The following CRYL1 variants were observed in gnomAD, a reference collection of about 807,000 sequenced individuals.
CRYL1 encodes the protein lambda-crystallin homolog.
Under a neutral mutation model 36.6 loss-of-function variants are expected in CRYL1, and 29 were observed. The observed-to-expected ratio is 0.79, with a 90% CI of 0.59 to 1.08. CRYL1 has a LOEUF of 1.08. Among genes scored for constraint, CRYL1 ranks in the 50% least tolerant of loss-of-function variants. The pLI, the probability that CRYL1 is intolerant of heterozygous loss-of-function variation, is 0.00. For missense variants in CRYL1, 411 were observed against 407.9 expected, an observed-to-expected ratio of 1.01 and a Z score of -0.06; for synonymous variants, 152 against 151.5, an observed-to-expected ratio of 1.00 and a Z score of -0.02.
intron 1 of CRYL1, among the ~76,000 whole-genome samples, chr13:20,521,035 G>A (rs1314004581): frequency 1.4e-5 from 2 of 147,180 alleles, no homozygotes; most frequent in Admixed American, 6.8e-5. Flanking sequence ...ACCCGGAGGC[G>A]GAGGTTGCAG....
At chr13:20,486,162 C>T (rs1020792191) in intron 3 of CRYL1, among the ~76,000 whole-genome samples, 8 of 152,132 alleles carry the variant, frequency 5.3e-5, no homozygotes, top group South Asian at 2.1e-4. Context: ...TCGAGCAATC[C>T]GCCACCCTCA....
At position 20,480,719 on chromosome 13, in the gene CRYL1, C is replaced by T. The variant is rs534547857; in HGVS notation, c.276+8651G>A. Among the ~76,000 whole-genome samples the T allele has an allele frequency of 2.6e-5, 4 of 152,336 alleles. No homozygotes were observed. In the South Asian group the frequency reaches 8.3e-4, roughly 32 times the overall value. On this transcript the variant is annotated intron_variant, in intron 3 of 7. Coordinates refer to ENST00000298248, the MANE Select transcript of CRYL1 (RefSeq NM_015974.3). ...CAAATCATGCCAATAACCTGCCGTT[C>T]GTGGATGCTGCGGGGACCCACAATG...
At chr13:20,461,892 G>A (rs1249999114) in intron 3 of CRYL1, among the ~76,000 whole-genome samples, 2 of 142,804 alleles carry the variant, frequency 1.4e-5, no homozygotes, top group Non-Finnish European at 3.0e-5. Context: ...GCCTCCAGGG[G>A]CTCAGCATTG....
chr13:20,453,195 T>C (rs2137420238), intron 3 of CRYL1, among the ~76,000 whole-genome samples: 1 of 152,244 alleles, frequency 6.6e-6, no homozygotes, highest in East Asian at 1.9e-4. Flanking sequence ...CCAAGATAGA[T>C]TATAGTCTGG....
chr13:20,492,859 C>T (rs2033536579), intron 2 of CRYL1, among the ~76,000 whole-genome samples: 1 of 152,134 alleles, frequency 6.6e-6, no homozygotes, highest in African/African-American at 2.4e-5. Context: ...ACCAAGGAAC[C>T]AATCTGAATT....
intron 5 of CRYL1, 119 bp from the exon 6 acceptor site, chr13:20,413,506 G>A: frequency 1.6e-6 from 1 of 614,928 alleles, no homozygotes; most frequent in Non-Finnish European, 2.9e-6. Context: ...GCACTATACA[G>A]GGTGAGTACC....
chr13:20,522,911 C>CT (rs386378385), intron 1 of CRYL1, among the ~76,000 whole-genome samples: 985 of 82,824 alleles, frequency 0.012, 106 homozygotes, highest in South Asian at 0.02. Context: ...CCCATTTCTA[C>CT]TTTTTTTTTT....
At chr13:20,512,571 G>A in intron 1 of CRYL1, 21 bp from the exon 2 acceptor site, 1 of 1,569,098 alleles carries the variant, frequency 6.4e-7, no homozygotes, top group Non-Finnish European at 8.7e-7. Context: ...ATAAAAGAAA[G>A]GATTCGAGTT....
Position 20,471,850 on chromosome 13 carries a change from CCTTT to C in CRYL1, c.276+17516_276+17519del, listed in dbSNP as rs1334373951. On this transcript the variant is annotated intron_variant, in intron 3 of 7. Transcript: ENST00000298248. ...CTCTCTCTTTTTCTCTCTCTCTCTT[CCTTT>C]CTTTCATTTTTTTTTTGAGACGTAG... Among the ~76,000 whole-genome samples the C allele has an allele frequency of 7.3e-5, 11 of 150,408 alleles. No homozygotes were observed. The East Asian group carries it at 1.4e-3, about 19-fold the overall frequency.
rs386378385 is a variant in CRYL1, at chr13:20,522,911, C to CTTTTTTTT, written c.41+2835_41+2842dup. Among the ~76,000 whole-genome samples, 130 of 82,954 alleles carry CTTTTTTTT rather than the reference C, an allele frequency of 1.6e-3. 6 individuals are homozygous for CTTTTTTTT. Among genetic ancestry groups the CTTTTTTTT allele is most frequent in the Non-Finnish European group, 2.0e-3 (93 of 46,646 alleles). The allele number at this position is 82,954 out of a possible 152,430, so 54.4% of individuals were successfully genotyped here. On this transcript the variant is annotated intron_variant, in intron 1 of 7. Transcript: ENST00000298248. ...TTTATCTTCATGATACCCATTTCTA[C>CTTTTTTTT]TTTTTTTTTTTTTTTTTTTTTTTTG...
intron 1 of CRYL1, among the ~76,000 whole-genome samples, chr13:20,518,472 T>G (rs1593505103): frequency 2.0e-5 from 3 of 149,608 alleles, no homozygotes; most frequent in East Asian, 2.0e-4. Context: ...GGAGGGGCGG[T>G]GGGGGGAGAG....
At chr13:20,419,275 G>A (rs926747898) in intron 5 of CRYL1, among the ~76,000 whole-genome samples, 4 of 152,128 alleles carry the variant, frequency 2.6e-5, no homozygotes, top group African/African-American at 9.7e-5. Context: ...GAGTAACAGA[G>A]TTAGAGATTA....
At chr13:20,505,272 G>A (rs1408122883) in intron 2 of CRYL1, among the ~76,000 whole-genome samples, 6 of 150,458 alleles carry the variant, frequency 4.0e-5, no homozygotes, top group Non-Finnish European at 1.5e-5. Flanking sequence ...GAGGAGAATT[G>A]CTTGAACCCG....
intron 2 of CRYL1, among the ~76,000 whole-genome samples, chr13:20,510,474 TG>T (rs2033892956): frequency 6.6e-6 from 1 of 152,180 alleles, no homozygotes; most frequent in African/African-American, 2.4e-5. Context: ...GATCAGTGGT[TG>T]CCAGCGGTTG....
Position 20,437,377 on chromosome 13 carries a change from G to A in CRYL1, c.438+2216C>T, listed in dbSNP as rs562138993. Among the ~76,000 whole-genome samples, 9 of 150,092 alleles carry A rather than the reference G, an allele frequency of 6.0e-5. No homozygotes were observed. In the East Asian group the frequency reaches 1.4e-3, roughly 23 times the overall value. On this transcript the variant is annotated intron_variant, in intron 4 of 7. Transcript: ENST00000298248. ...GGCTGGAGTGCAGTGGCGCGATCTC[G>A]GCTCACTGCAAGCTCCACCTCCTGG...
intron 3 of CRYL1, among the ~76,000 whole-genome samples, chr13:20,471,338 C>T (rs2033054841): frequency 6.6e-6 from 1 of 151,980 alleles, no homozygotes; most frequent in African/African-American, 2.4e-5. Context: ...TTTGGGAGGC[C>T]GAGGCAGGTG....
intron 3 of CRYL1, among the ~76,000 whole-genome samples, chr13:20,462,319 C>T (rs1369305938): frequency 6.6e-6 from 1 of 151,628 alleles, no homozygotes; most frequent in Non-Finnish European, 1.5e-5. Flanking sequence ...ACCATTTCAA[C>T]ACTCATACAA....
At chr13:20,431,550 C>T (rs757728720) in intron 5 of CRYL1, 24 of 1,008,916 alleles carry the variant, frequency 2.4e-5, no homozygotes, top group Admixed American at 5.4e-5. Flanking sequence ...TGCAGCCAGG[C>T]CATTTCTTCA....
rs1217055314 is a variant in CRYL1, at chr13:20,415,228, G to A, written c.634-1841C>T. Among the ~76,000 whole-genome samples the A allele has an allele frequency of 6.6e-6, 1 of 152,180 alleles. No homozygotes were observed. The highest frequency in any genetic ancestry group is 1.5e-5 in the Non-Finnish European group (1 of 68,010). ...CTTGCTCCGCCCGGAGGGCTCTGCG[G>A]GGACCCTGGCACAGCGGCCTGCAGG... On this transcript the variant is annotated intron_variant, in intron 5 of 7. Coordinates refer to ENST00000298248, the MANE Select transcript of CRYL1 (RefSeq NM_015974.3). This position sits in a 1 kb window ranked among gnomAD's most constrained non-coding sequence, Gnocchi z 4.1.
Sources: allele counts gnomAD v4.1 joint callset (sites outside exome capture counted in the v4.1 genomes callset), GRCh38; gene constraint gnomAD v4.1.1; non-coding constraint Gnocchi (gnomAD v3.1); transcripts MANE v1.5; gene names NCBI Gene and HGNC (gene_info 2026-07-23, HGNC 2026-07-21).